Variants in PCDHA3 observed in about 807,000 individuals in gnomAD.
The protein encoded by PCDHA3 is protocadherin alpha-3.
A neutral mutation model predicts 62.2 loss-of-function variants in PCDHA3; 41 were observed. The ratio of observed to expected loss-of-function variants is 0.66; its 90% CI spans 0.51 to 0.86. The LOEUF (loss-of-function observed/expected upper bound fraction) is 0.86. PCDHA3 is among the 40% of genes least tolerant of loss of function. The pLI is 0.00. For synonymous variants in PCDHA3, 640 were observed against 555.4 expected, an observed-to-expected ratio of 1.15 and a Z score of -2.14; for missense variants, 1,304 against 1,241.2, an observed-to-expected ratio of 1.05 and a Z score of -0.76.
intron 1 of PCDHA3, among the ~76,000 whole-genome samples, chr5:140,840,932 A>G (rs1391347019): frequency 1.3e-5 from 2 of 152,030 alleles, no homozygotes; most frequent in African/African-American, 2.4e-5. Flanking sequence ...AATTGATACG[A>G]TATTTGAAAT....
At chr5:140,970,146 C>A (rs1408492600) in intron 1 of PCDHA3, among the ~76,000 whole-genome samples, 3 of 152,156 alleles carry the variant, frequency 2.0e-5, no homozygotes, top group Admixed American at 6.5e-5. Context: ...AAAAAGAATT[C>A]TCCCAATAGT....
At chr5:140,982,409 G>A (rs1554244106) in intron 2 of PCDHA3, 66 bp from the exon 3 acceptor site, 20 of 1,608,038 alleles carry the variant, frequency 1.2e-5, no homozygotes, top group Non-Finnish European at 1.6e-5. Flanking sequence ...CAATTTCTGA[G>A]GGTGGAAGAA....
intron 1 of PCDHA3, chr5:140,966,615 G>C (rs1423136904): frequency 3.9e-6 from 3 of 773,600 alleles, no homozygotes; most frequent in Non-Finnish European, 5.6e-6. Flanking sequence ...GAGGGCCTAC[G>C]GAGGGAGCGG....
intron 1 of PCDHA3, chr5:140,829,480 C>T (rs2150168584): frequency 3.7e-6 from 6 of 1,613,752 alleles, no homozygotes; most frequent in South Asian, 1.1e-5. Flanking sequence ...ACACAGTGTT[C>T]GTGAAGGAGA....
chr5:140,945,654 AT>A (rs1230046600), intron 1 of PCDHA3, among the ~76,000 whole-genome samples: 5 of 152,294 alleles, frequency 3.3e-5, no homozygotes, highest in Admixed American at 3.3e-4. Flanking sequence ...ATGGAGCAGA[AT>A]ACAGCTCCCA....
At chr5:141,000,857 A>G (rs1002294819) in intron 3 of PCDHA3, among the ~76,000 whole-genome samples, 7 of 152,132 alleles carry the variant, frequency 4.6e-5, no homozygotes, top group African/African-American at 1.7e-4. Context: ...GCAGTCAGCC[A>G]TGACCTCACC....
At chr5:140,854,330 T>A in intron 1 of PCDHA3, 1 of 213,708 alleles carries the variant, frequency 4.7e-6, no homozygotes, top group Non-Finnish European at 8.0e-6. Flanking sequence ...GCAAACTTAT[T>A]TTACGCTCCA....
At chr5:140,884,794 A>G in intron 1 of PCDHA3, 1 of 1,280,100 alleles carries the variant, frequency 7.8e-7, no homozygotes, top group East Asian at 2.6e-5. Flanking sequence ...TTGTTATCGA[A>G]TTTAACAACT....
At chr5:140,927,475 C>A in intron 1 of PCDHA3, 1 of 1,614,110 alleles carries the variant, frequency 6.2e-7, no homozygotes, top group Non-Finnish European at 8.5e-7. Flanking sequence ...GGATCGCGAA[C>A]AGCGCGCCAC....
Position 140,846,720 on chromosome 5 carries a change from C to A in PCDHA3, c.2394+43129C>A, listed in dbSNP as rs1311468002. 2.7e-5 allele frequency among the ~76,000 whole-genome samples: 4 copies of A among 149,248 alleles called. 1 individual carries two copies. The highest frequency in any genetic ancestry group is 9.8e-5 in the African/African-American group (4 of 40,682). ...AGAGAAGATTGTAATAACCAGTCTT[C>A]ATTAAACATTAAATAGGACCCTTAC... is the stretch of plus-strand genomic sequence containing the variant. On this transcript the variant is annotated intron_variant, in intron 1 of 3. Transcript: ENST00000522353.
chr5:140,899,962 C>G (rs1562916347), intron 1 of PCDHA3, among the ~76,000 whole-genome samples: 1 of 152,064 alleles, frequency 6.6e-6, no homozygotes, highest in African/African-American at 2.4e-5. Flanking sequence ...CATGTGCTGC[C>G]ATGCCCAGCT....
chr5:140,984,086 A>C (rs187283969), intron 3 of PCDHA3, among the ~76,000 whole-genome samples: 1 of 152,356 alleles, frequency 6.6e-6, no homozygotes, highest in Admixed American at 6.5e-5. Flanking sequence ...GGAGTGAAGA[A>C]ATGATGGAGG....
intron 1 of PCDHA3, among the ~76,000 whole-genome samples, chr5:140,976,475 C>T (rs1160749030): frequency 1.3e-5 from 2 of 151,996 alleles, no homozygotes; most frequent in Non-Finnish European, 1.5e-5. Flanking sequence ...TGCTTGAATC[C>T]GGGAGGCAGA....
chr5:140,857,010 T>C (rs782647115), intron 1 of PCDHA3: 1 of 1,595,968 alleles, frequency 6.3e-7, no homozygotes, highest in South Asian at 1.1e-5. Context: ...CATGTAGATG[T>C]TACAGATAAG....
intron 1 of PCDHA3, chr5:140,871,028 C>T (rs782198197): frequency 1.2e-5 from 20 of 1,613,116 alleles, no homozygotes; most frequent in Admixed American, 1.7e-5. Context: ...GCAGACTCGC[C>T]GCGCCACCGA....
rs1443126988 is a variant in PCDHA3 at position 140,960,088 on chromosome 5, A to G, written c.2395-18861A>G. Among the ~76,000 whole-genome samples, 6 of 152,248 alleles carry G rather than the reference A, an allele frequency of 3.9e-5. No homozygotes were observed. The East Asian group carries it at 5.8e-4, about 15-fold the overall frequency. ...TTCAATTGAAGTTTCTAAAAGAGAA[A>G]GAAACTTGTAGTTGTGGGAACAATA... On this transcript the variant is annotated intron_variant, in intron 1 of 3. Coordinates refer to ENST00000522353, the MANE Select transcript of PCDHA3 (RefSeq NM_018906.3).
chr5:140,907,641 C>T (rs2073511625), intron 1 of PCDHA3, among the ~76,000 whole-genome samples: 1 of 152,212 alleles, frequency 6.6e-6, no homozygotes, highest in Non-Finnish European at 1.5e-5. Context: ...CTGCTGCTGG[C>T]AAATTGGGCA....
In PCDHA3 at chr5:141,011,512, G is replaced by A. The variant is rs561564688; in HGVS notation, c.*1575G>A. On this transcript the variant is annotated 3_prime_UTR_variant, in exon 4 of 4. Coordinates refer to ENST00000522353, the MANE Select transcript of PCDHA3 (RefSeq NM_018906.3). ...TGTACACCTGTGAAAAAGTGGAGTAGTGTTTTTTTAACCATTGTTAATCAG... is the reference window on the plus strand; with the variant it reads ...TGTACACCTGTGAAAAAGTGGAGTAATGTTTTTTTAACCATTGTTAATCAG... 9 of 153,844 alleles carry A rather than the reference G, an allele frequency of 5.9e-5. No homozygotes were observed. Among genetic ancestry groups the A allele is most frequent in the African/African-American group, 2.2e-4 (9 of 41,570 alleles). 9.5% of individuals were successfully genotyped at this position (153,844 alleles called of 1,614,324 possible).
At chr5:140,972,660 ATTTTT>A (rs11350929) in intron 1 of PCDHA3, among the ~76,000 whole-genome samples, 2 of 117,266 alleles carry the variant, frequency 1.7e-5, no homozygotes, top group African/African-American at 3.3e-5. Flanking sequence ...AAGAAACCAA[ATTTTT>A]TTTTTTTTTT....
Sources: allele counts gnomAD v4.1 joint callset (sites outside exome capture counted in the v4.1 genomes callset), GRCh38; gene constraint gnomAD v4.1.1; transcripts MANE v1.5; gene names NCBI Gene and HGNC (gene_info 2026-07-23, HGNC 2026-07-21).